The following GRID2 variants were observed in gnomAD, a reference collection of about 807,000 sequenced individuals.
GRID2 encodes the protein glutamate receptor ionotropic, delta-2.
GRID2 carries 33 observed loss-of-function variants against 114.8 expected under a neutral mutation model. That is an observed-to-expected ratio of 0.29 (90% CI 0.22 to 0.38). The LOEUF is 0.38. GRID2 is among the 10% of genes least tolerant of loss of function. The pLI is 1.00. For synonymous variants in GRID2, 505 were observed against 449.9 expected (o/e 1.12, Z -1.55); for missense variants, 1,184 against 1,257.7 (o/e 0.94, Z 0.89).
intron 10 of GRID2, among the ~76,000 whole-genome samples, chr4:93,437,027 A>T (rs1721156102): frequency 6.6e-6 from 1 of 152,276 alleles, no homozygotes; most frequent in African/African-American, 2.4e-5. Flanking sequence ...ATAAAGTAGA[A>T]CATCACCAGA....
intron 4 of GRID2, among the ~76,000 whole-genome samples, chr4:93,201,298 A>G (rs1250083340): frequency 6.6e-6 from 1 of 152,214 alleles, no homozygotes; most frequent in Non-Finnish European, 1.5e-5. Flanking sequence ...CAGAAAACTC[A>G]TTACTTTTAG....
intron 2 of GRID2, among the ~76,000 whole-genome samples, chr4:93,028,554 T>C (rs1724095344): frequency 6.6e-6 from 1 of 152,120 alleles, no homozygotes; most frequent in Non-Finnish European, 1.5e-5. Context: ...ACGATAGTAG[T>C]GAGTATGCAG....
chr4:92,667,718 CT>C (rs1409185585), intron 2 of GRID2, among the ~76,000 whole-genome samples: 1 of 151,370 alleles, frequency 6.6e-6, no homozygotes, highest in East Asian at 1.9e-4. Flanking sequence ...AAAATACCCC[CT>C]AGAGTGAAAA....
chr4:92,800,497 A>T (rs928140347), intron 2 of GRID2, among the ~76,000 whole-genome samples: 1 of 152,012 alleles, frequency 6.6e-6, no homozygotes, highest in Admixed American at 6.6e-5. Flanking sequence ...CACATATATC[A>T]ATATGGAAGG....
chr4:93,441,781 A>G (rs1721641968), intron 10 of GRID2, among the ~76,000 whole-genome samples: 1 of 151,960 alleles, frequency 6.6e-6, no homozygotes, highest in South Asian at 2.1e-4. Context: ...CTAAGTCTCA[A>G]TGATCCTGAG....
chr4:92,763,772 G>A (rs1248138265), intron 2 of GRID2, among the ~76,000 whole-genome samples: 1 of 152,142 alleles, frequency 6.6e-6, no homozygotes, highest in Non-Finnish European at 1.5e-5. Flanking sequence ...AGAGAACACA[G>A]TGAAAGAGGG....
In GRID2 at chr4:93,772,599, G is replaced by C. The variant is rs1734200716; in HGVS notation, c.*101G>C. On this transcript the variant is annotated 3_prime_UTR_variant, in exon 16 of 16. Coordinates refer to ENST00000282020, the MANE Select transcript of GRID2 (RefSeq NM_001510.4). ...ACATGGATGTAACGTTTAAAAAAAA[G>C]ATCAGGATTATTAGTAACAATTCTA... 1.2e-6 allele frequency: 1 copy of C among 824,008 alleles called. No homozygotes were observed. The highest frequency in any genetic ancestry group is 2.6e-5 in the Admixed American group (1 of 38,472). The allele number at this position is 824,008 out of a possible 1,614,324, so 51.0% of individuals were successfully genotyped here.
At chr4:93,110,154 TC>T (rs1354014247) in intron 3 of GRID2, among the ~76,000 whole-genome samples, 1 of 152,192 alleles carries the variant, frequency 6.6e-6, no homozygotes, top group Non-Finnish European at 1.5e-5. Flanking sequence ...TACCAACTTT[TC>T]CAAATTTAGC....
chr4:92,640,769 A>G (rs893081315), intron 2 of GRID2, among the ~76,000 whole-genome samples: 1 of 151,878 alleles, frequency 6.6e-6, no homozygotes, highest in Non-Finnish European at 1.5e-5. Flanking sequence ...GGATTAGACT[A>G]TATTGCCTCT....
chr4:92,877,093 C>T (rs1204479691), intron 2 of GRID2, among the ~76,000 whole-genome samples: 1 of 152,144 alleles, frequency 6.6e-6, no homozygotes. Flanking sequence ...TTAAAAAACT[C>T]TCCATTAAAA....
At chr4:93,658,417 G>T (rs901938216) in intron 14 of GRID2, among the ~76,000 whole-genome samples, 1 of 151,954 alleles carries the variant, frequency 6.6e-6, no homozygotes, top group African/African-American at 2.4e-5. Context: ...AACAGCAAAG[G>T]TCAATATAAG....
At chr4:93,588,660 T>A (rs1737790635) in intron 13 of GRID2, among the ~76,000 whole-genome samples, 1 of 152,200 alleles carries the variant, frequency 6.6e-6, no homozygotes, top group South Asian at 2.1e-4. Flanking sequence ...CTTTAAAGGC[T>A]GCAGAGTCAC....
intron 10 of GRID2, among the ~76,000 whole-genome samples, chr4:93,445,445 T>A (rs1172793180): frequency 6.6e-6 from 1 of 152,034 alleles, no homozygotes; most frequent in Non-Finnish European, 1.5e-5. Context: ...GTTTTTACAG[T>A]TCAGTGTTTA....
intron 1 of GRID2, among the ~76,000 whole-genome samples, chr4:92,476,020 C>A (rs1335459523): frequency 7.4e-6 from 1 of 134,582 alleles, no homozygotes; most frequent in Admixed American, 8.0e-5. Context: ...AAATTCAGTG[C>A]TTCTTTTTTT....
chr4:93,390,666 T>G, intron 8 of GRID2, among the ~76,000 whole-genome samples: 1 of 152,240 alleles, frequency 6.6e-6, no homozygotes, highest in Admixed American at 6.5e-5. Flanking sequence ...CCAGAAGAAT[T>G]ATAAAAGAAA....
intron 8 of GRID2, among the ~76,000 whole-genome samples, chr4:93,250,961 A>G (rs1216133674): frequency 6.6e-6 from 1 of 151,774 alleles, no homozygotes; most frequent in Non-Finnish European, 1.5e-5. Context: ...AATGTGCAGT[A>G]TTTTTACTAG....
At chr4:93,110,023 G>T (rs1732615781) in intron 3 of GRID2, among the ~76,000 whole-genome samples, 1 of 152,096 alleles carries the variant, frequency 6.6e-6, no homozygotes, top group Non-Finnish European at 1.5e-5. Context: ...TAAATATTTT[G>T]CTGATCATCA....
chr4:93,047,066 T>C (rs1726207992), intron 2 of GRID2, among the ~76,000 whole-genome samples: 1 of 152,000 alleles, frequency 6.6e-6, no homozygotes, highest in South Asian at 2.1e-4. Flanking sequence ...GTCTTCCTTC[T>C]AATAACCCAT....
chr4:93,585,378 G>A (rs1172301342), intron 13 of GRID2, among the ~76,000 whole-genome samples: 1 of 152,104 alleles, frequency 6.6e-6, no homozygotes, highest in Non-Finnish European at 1.5e-5. Context: ...AGTTAGAATT[G>A]TGTACGCTGA....
Sources: gnomAD v4.1 joint callset for allele counts (sites outside exome capture counted in the v4.1 genomes callset) on GRCh38, gnomAD v4.1.1 for gene constraint, MANE v1.5 for transcripts, NCBI Gene and HGNC (gene_info 2026-07-23, HGNC 2026-07-21) for gene names.